EGF: variants seen among roughly 807,000 people sequenced by gnomAD.
EGF encodes the protein pro-epidermal growth factor.
EGF carries 95 observed loss-of-function variants against 143.8 expected under a neutral mutation model. The ratio of observed to expected loss-of-function variants is 0.66; its 90% confidence interval spans 0.56 to 0.78. The LOEUF is 0.78. Ranked by LOEUF, EGF falls within the 30% of genes least tolerant of loss-of-function variation. The pLI is 0.00. For synonymous variants in EGF, 510 were observed against 510.5 expected (o/e 1.00, Z 0.01); for missense variants, 1,320 against 1,470.9 (o/e 0.90, Z 1.68).
At chr4:110,006,364 T>A (rs1753302314) in intron 22 of EGF, among the ~76,000 whole-genome samples, 1 of 152,124 alleles carries the variant, frequency 6.6e-6, no homozygotes. Flanking sequence ...AGAAAGAACA[T>A]GAGTTCTAGC....
intron 5 of EGF, among the ~76,000 whole-genome samples, chr4:109,949,109 G>A (rs769672755): frequency 6.6e-6 from 1 of 151,590 alleles, no homozygotes; most frequent in South Asian, 2.1e-4. Flanking sequence ...CTCTATCGCC[G>A]AGGCTGGAGT....
At chr4:109,986,262 A>G (rs574503640) in intron 16 of EGF, among the ~76,000 whole-genome samples, 1 of 152,238 alleles carries the variant, frequency 6.6e-6, no homozygotes, top group Non-Finnish European at 1.5e-5. Flanking sequence ...TTCTAATTTA[A>G]GATAATTCTG....
In EGF at chr4:109,969,548, T is replaced by C. The variant is rs2298987; in HGVS notation, c.1724+429T>C. 0.013 allele frequency among the ~76,000 whole-genome samples: 1,963 copies of C among 151,898 alleles called. 199 individuals carry two copies. The East Asian group carries it at 0.23, about 18-fold the overall frequency. Reference sequence around the variant, plus strand: ...AGCAAACCACCATGGCACATGTATATCTATGTAATAAACCTGCACGTTCTG... The same window carrying C: ...AGCAAACCACCATGGCACATGTATACCTATGTAATAAACCTGCACGTTCTG... On this transcript the variant is annotated intron_variant, in intron 11 of 23. Transcript: ENST00000265171.
intron 1 of EGF, among the ~76,000 whole-genome samples, chr4:109,919,853 T>A (rs1255496722): frequency 2.0e-5 from 3 of 151,618 alleles, no homozygotes; most frequent in Non-Finnish European, 4.4e-5. Context: ...AAAATTTCAC[T>A]ATAAAAAAGA....
In EGF at chr4:109,982,418, C is replaced by G. The variant is rs148234805; in HGVS notation, c.2372-1004C>G. ...TCTCAGCTCACTGCAACCTCTGCCT[C>G]TAGGGTTCAAGAGATTCTCCTGCCT... On this transcript the variant is annotated intron_variant, in intron 15 of 23. Transcript: ENST00000265171. Among the ~76,000 whole-genome samples, 25 of 152,188 alleles carry G rather than the reference C, an allele frequency of 1.6e-4. No homozygotes were observed. In the East Asian group the frequency reaches 4.8e-3, roughly 29 times the overall value.
chr4:109,933,707 A>G (rs1483909537), intron 1 of EGF, among the ~76,000 whole-genome samples: 2 of 152,204 alleles, frequency 1.3e-5, no homozygotes, highest in African/African-American at 4.8e-5. Flanking sequence ...TTTGCTGAGA[A>G]TGATGGTTTC....
chr4:109,974,645 T>C lies in EGF; in HGVS notation c.1725-58T>C. The C allele has an allele frequency of 2.3e-6, 3 of 1,283,030 alleles. No individual in the cohort carries two copies. In the South Asian group the frequency reaches 3.6e-5, roughly 15 times the overall value. 79.5% of individuals were successfully genotyped at this position (1,283,030 alleles called of 1,614,324 possible). ...ATTTCAGAAAGAGGAGAAAGGAGTA[T>C]TTTTGTTTGAAAAGTAAAGGTGTTA... On this transcript the variant is annotated intron_variant, in intron 11 of 23. Transcript: ENST00000265171.
Position 110,013,294 on chromosome 4 carries a change from G to T in EGF, c.*1839G>T, listed in dbSNP as rs1038901531. Among the ~76,000 whole-genome samples the T allele has an allele frequency of 6.6e-6, 1 of 151,980 alleles. No individual in the cohort carries two copies. The highest frequency in any genetic ancestry group is 6.6e-5 in the Admixed American group (1 of 15,248). The stretch of plus-strand genomic sequence containing the variant: ...ATTTTAGCACCTTTTTCTTTTAGGG[G>T]TTCAATGATGACAAAAGAAATGACA... On this transcript the variant is annotated 3_prime_UTR_variant, in exon 24 of 24. Transcript: ENST00000265171.
chr4:110,010,428 GA>G (rs1288740305), intron 23 of EGF, among the ~76,000 whole-genome samples: 2 of 151,946 alleles, frequency 1.3e-5, no homozygotes, highest in African/African-American at 2.4e-5. Context: ...AAAATTTTAA[GA>G]TGCCAACCAA....
In EGF at chr4:110,012,519, A is replaced by G. The variant is rs1393949947; in HGVS notation, c.*1064A>G. 6.6e-6 allele frequency among the ~76,000 whole-genome samples: 1 copy of G among 152,128 alleles called. No homozygotes were observed. Among genetic ancestry groups the G allele is most frequent in the Non-Finnish European group, 1.5e-5 (1 of 68,016 alleles). ...CTCCCGAGTAACTAGGACCACAGGC[A>G]CAGGCCACCATGCCTGGCTAAGGTT... On this transcript the variant is annotated 3_prime_UTR_variant, in exon 24 of 24. Coordinates refer to ENST00000265171, the MANE Select transcript of EGF (RefSeq NM_001963.6).
intron 15 of EGF, among the ~76,000 whole-genome samples, chr4:109,982,163 A>T (rs1203367711): frequency 1.3e-5 from 2 of 150,000 alleles, no homozygotes; most frequent in African/African-American, 2.4e-5. Flanking sequence ...TAAATTATTA[A>T]TTTATTTTAT....
chr4:109,951,341 G>A (rs1288094323), intron 5 of EGF, among the ~76,000 whole-genome samples: 1 of 151,984 alleles, frequency 6.6e-6, no homozygotes, highest in Non-Finnish European at 1.5e-5. Context: ...CTGGGCAACA[G>A]AGCAAGACTC....
intron 1 of EGF, among the ~76,000 whole-genome samples, chr4:109,927,251 G>C (rs1738838800): frequency 6.6e-6 from 1 of 152,072 alleles, no homozygotes; most frequent in African/African-American, 2.4e-5. Flanking sequence ...AATTATTTTT[G>C]TTTAAAAAAG....
At chr4:109,952,717 T>G (rs948718504) in intron 5 of EGF, among the ~76,000 whole-genome samples, 1 of 152,262 alleles carries the variant, frequency 6.6e-6, no homozygotes, top group African/African-American at 2.4e-5. Context: ...GACATTTTCT[T>G]AGTGACTAGA....
At chr4:109,991,251 A>G (rs967022210) in intron 18 of EGF, among the ~76,000 whole-genome samples, 1 of 152,212 alleles carries the variant, frequency 6.6e-6, no homozygotes, top group African/African-American at 2.4e-5. Context: ...GATATTTAAT[A>G]TTCTTTTTTA....
intron 11 of EGF, among the ~76,000 whole-genome samples, chr4:109,972,225 C>A (rs1316595037): frequency 6.6e-6 from 1 of 152,152 alleles, no homozygotes; most frequent in Non-Finnish European, 1.5e-5. Flanking sequence ...AATATCCCTG[C>A]TGGTCTTTGG....
In EGF at chr4:109,945,260, G is replaced by A; in HGVS notation, c.925G>A (p.Asp309Asn). The stretch of plus-strand genomic sequence containing the variant: ...ACTTGCACAACCCAAGGCAGAAGAT[G>A]ACACTTGGGAGCCTGGTGAGTCATC... ...HPLAQPKAED[D>N]TWEPEQKLCK... Residue 309 changes from aspartate (D) to asparagine (N), a missense_variant, in exon 5 of 24, where the codon GAC (aspartate) becomes AAC (asparagine). Around this residue, in one of 5 missense-constraint regions of EGF, gnomAD observed 1,186 missense variants for 1,313.7 expected, o/e 0.90. Coordinates refer to ENST00000265171, the MANE Select transcript of EGF (RefSeq NM_001963.6). The A allele has an allele frequency of 6.2e-7, 1 of 1,613,940 alleles. No homozygotes were observed. The highest frequency in any genetic ancestry group is 8.5e-7 in the Non-Finnish European group (1 of 1,179,938).
chr4:109,950,720 C>T (rs373280112), intron 5 of EGF, among the ~76,000 whole-genome samples: 14 of 152,200 alleles, frequency 9.2e-5, no homozygotes, highest in African/African-American at 3.4e-4. Context: ...AGTCTGCATG[C>T]TCAGGAACTT....
chr4:109,969,219 C>T (rs935227789), intron 11 of EGF, 100 bp downstream of exon 11: 5 of 1,536,500 alleles, frequency 3.3e-6, no homozygotes, highest in Non-Finnish European at 4.5e-6. Context: ...AAAAATGTTG[C>T]TGGGCATTTG....
Sources: allele counts gnomAD v4.1 joint callset (sites outside exome capture counted in the v4.1 genomes callset), GRCh38; gene constraint gnomAD v4.1.1; regional missense constraint gnomAD v4.1.1; transcripts MANE v1.5; gene names NCBI Gene and HGNC (gene_info 2026-07-23, HGNC 2026-07-21).